The following DISP1 variants were observed in gnomAD, a reference collection of about 807,000 sequenced individuals.
DISP1 encodes protein dispatched homolog 1.
Under a neutral mutation model 37.3 loss-of-function variants are expected in DISP1, and 30 were observed. That is an observed-to-expected ratio of 0.80 (90% confidence interval 0.60 to 1.09). The LOEUF is 1.09. DISP1 is among the 50% of genes least tolerant of loss of function. The probability of loss-of-function intolerance (pLI) is 0.00; values close to 1 mark genes in which losing one functional copy is unlikely to be tolerated. For missense variants in DISP1, 1,598 were observed against 1,879.5 expected, an observed-to-expected ratio of 0.85 and a Z score of 2.77; for synonymous variants, 634 against 690.2, an observed-to-expected ratio of 0.92 and a Z score of 1.28.
chr1:222,896,799 A>G (rs1671286843), intron 1 of DISP1, among the ~76,000 whole-genome samples: 1 of 152,232 alleles, frequency 6.6e-6, no homozygotes, highest in African/African-American at 2.4e-5. Context: ...ACATGGAAAG[A>G]TGAGCATCAT....
At chr1:222,874,124 G>A (rs1669789667) in intron 1 of DISP1, among the ~76,000 whole-genome samples, 1 of 152,236 alleles carries the variant, frequency 6.6e-6, no homozygotes, top group African/African-American at 2.4e-5. Flanking sequence ...TTGGCTTGTA[G>A]AGTTTCTGCC....
intron 3 of DISP1, among the ~76,000 whole-genome samples, chr1:222,954,674 G>A (rs1201122712): frequency 1.3e-5 from 2 of 152,078 alleles, no homozygotes; most frequent in East Asian, 1.9e-4. Flanking sequence ...AATCATAGGA[G>A]AGCTAAGAGA....
chr1:222,936,735 A>ATAT (rs1558339504), intron 2 of DISP1, among the ~76,000 whole-genome samples: 42 of 97,288 alleles, frequency 4.3e-4, no homozygotes, highest in African/African-American at 1.8e-3. Context: ...ATGATATATA[A>ATAT]AAATTATATA....
chr1:222,984,668 A>G (rs1678142928), intron 4 of DISP1, among the ~76,000 whole-genome samples: 1 of 151,996 alleles, frequency 6.6e-6, no homozygotes, highest in South Asian at 2.1e-4. Flanking sequence ...ACTATTTTTA[A>G]GAGTACAGTT....
intron 3 of DISP1, among the ~76,000 whole-genome samples, chr1:222,954,350 A>C (rs1239689589): frequency 1.3e-5 from 2 of 152,184 alleles, no homozygotes; most frequent in African/African-American, 4.8e-5. Flanking sequence ...TTAAAACACA[A>C]ACCAGATATT....
In DISP1 at chr1:222,893,440, CG is replaced by C. The variant is rs1489760811; in HGVS notation, c.-158-34988del. On this transcript the variant is annotated intron_variant, in intron 1 of 8. Coordinates refer to ENST00000675850, the MANE Select transcript of DISP1 (RefSeq NM_001377229.1). This position sits in a 1 kb window ranked among gnomAD's most constrained non-coding sequence, Gnocchi z 4.3. ...GCAGGCTGTGCTTGGCTCATGCTAC[CG>C]GCCCGGATCCCACACCTGCCAAAGG... 6.6e-6 allele frequency among the ~76,000 whole-genome samples: 1 copy of C among 152,212 alleles called. No individual in the cohort carries two copies. Among genetic ancestry groups the C allele is most frequent in the Non-Finnish European group, 1.5e-5 (1 of 68,044 alleles).
At chr1:222,823,906 T>G (rs940923873) in intron 1 of DISP1, 1 of 148,128 alleles carries the variant, frequency 6.8e-6, no homozygotes, top group African/African-American at 2.5e-5. Flanking sequence ...GGAGGAAGAA[T>G]AATGGGAGGA....
intron 1 of DISP1, among the ~76,000 whole-genome samples, chr1:222,854,040 A>G (rs1255467499): frequency 6.6e-6 from 1 of 152,226 alleles, no homozygotes; most frequent in East Asian, 1.9e-4. Context: ...GCTCTCATCA[A>G]GATTTTTGTG....
At chr1:222,978,904 T>A (rs1196682953) in intron 3 of DISP1, among the ~76,000 whole-genome samples, 1 of 152,366 alleles carries the variant, frequency 6.6e-6, no homozygotes, top group Admixed American at 6.5e-5. Flanking sequence ...ACCAGTACCA[T>A]GCTGTTTTGG....
chr1:223,002,624 C>T lies in DISP1; in HGVS notation c.1227C>T (p.Leu409=). 1 of 1,614,202 alleles carries T rather than the reference C, an allele frequency of 6.2e-7. No homozygotes were observed. The highest frequency in any genetic ancestry group is 2.2e-5 in the East Asian group (1 of 44,880). ...TGGCAGCCAGAAGAAAGGACCAGCT[C>T]AAGTGCACCAATGTGCCACGCAAAT... ...WDMAARRKDQ[L]KCTNVPRKCT... The change falls in exon 9 of 9, where the codon CTC becomes CTT. Residue 409 remains leucine (L), a synonymous_variant. Transcript: ENST00000675850.
chr1:222,826,290 A>G (rs1051109945), intron 1 of DISP1, among the ~76,000 whole-genome samples: 1 of 149,294 alleles, frequency 6.7e-6, no homozygotes, highest in South Asian at 2.2e-4. Context: ...GAAATATTCC[A>G]TTAGTCCTTT....
Position 223,003,155 on chromosome 1 carries a change from T to G in DISP1, c.1758T>G (p.Phe586Leu), listed in dbSNP as rs774122688. 2 of 1,614,242 alleles carry G rather than the reference T, an allele frequency of 1.2e-6. No homozygotes were observed. The highest frequency in any genetic ancestry group is 1.1e-5 in the South Asian group (1 of 91,084). ...GTGATGTTTGGAACTACACAAAATT[T>G]GATAAGCCTCATGCCGAAACCTCAG... The part of the protein sequence containing the change: ...VLCDVWNYTK[F>L]DKPHAETSET... Residue 586 changes from phenylalanine (F) to leucine (L), a missense_variant, in exon 9 of 9, where the codon TTT becomes TTG. Physicochemically the swap from Phe to Leu is conservative, Grantham distance 22. Transcript: ENST00000675850. The surrounding 1 kb of genome is among the most constrained non-coding windows in gnomAD (Gnocchi z 4.3).
At chr1:222,937,852 A>C (rs1674083852) in intron 2 of DISP1, among the ~76,000 whole-genome samples, 1 of 139,712 alleles carries the variant, frequency 7.2e-6, no homozygotes, top group African/African-American at 2.7e-5. Context: ...CTGGGAGAAC[A>C]GGTGATTTCA....
At chr1:222,846,875 C>T (rs772876190) in intron 1 of DISP1, among the ~76,000 whole-genome samples, 12 of 152,092 alleles carry the variant, frequency 7.9e-5, no homozygotes, top group African/African-American at 1.4e-4. Context: ...TAATTCACTG[C>T]GACTAATTTT....
intron 3 of DISP1, among the ~76,000 whole-genome samples, chr1:222,946,752 A>G (rs903009461): frequency 1.3e-5 from 2 of 152,206 alleles, no homozygotes; most frequent in Non-Finnish European, 2.9e-5. Flanking sequence ...TTACAGATGG[A>G]GAGAGAATTG....
intron 3 of DISP1, among the ~76,000 whole-genome samples, chr1:222,956,839 A>G (rs1231972729): frequency 6.6e-6 from 1 of 152,084 alleles, no homozygotes; most frequent in Non-Finnish European, 1.5e-5. Context: ...TATTATTCAC[A>G]TCTTATTAAG....
chr1:222,920,349 AAT>A (rs574157515), intron 1 of DISP1, among the ~76,000 whole-genome samples: 1 of 152,324 alleles, frequency 6.6e-6, no homozygotes, highest in South Asian at 2.1e-4. Flanking sequence ...ACAAACCAAA[AAT>A]ATTTTGGAAA....
intron 7 of DISP1, among the ~76,000 whole-genome samples, chr1:222,992,730 T>C (rs1678785778): frequency 6.6e-6 from 1 of 152,104 alleles, no homozygotes; most frequent in South Asian, 2.1e-4. Flanking sequence ...GGAGAAGTGA[T>C]GGTGATTGTG....
At chr1:222,872,999 A>G (rs1342334665) in intron 1 of DISP1, among the ~76,000 whole-genome samples, 2 of 152,184 alleles carry the variant, frequency 1.3e-5, no homozygotes, top group Non-Finnish European at 2.9e-5. Context: ...GTTTCAAAGA[A>G]CATCTTTATT....
Sources: gnomAD v4.1 joint callset for allele counts (sites outside exome capture counted in the v4.1 genomes callset) on GRCh38, gnomAD v4.1.1 for gene constraint, Gnocchi (gnomAD v3.1) non-coding constraint, MANE v1.5 for transcripts, NCBI Gene and HGNC (gene_info 2026-07-23, HGNC 2026-07-21) for gene names.